ERG: variants seen among roughly 807,000 people sequenced by gnomAD.
ERG encodes the protein transcriptional regulator ERG.
In ERG, 9 loss-of-function variants were observed where a neutral mutation model predicts 55.3. That is an observed-to-expected ratio of 0.16 (90% CI 0.10 to 0.28). ERG has a LOEUF of 0.28. Ranked by LOEUF, ERG falls within the 10% of genes least tolerant of loss-of-function variation. The pLI is 1.00. For missense variants in ERG, 434 were observed against 631.6 expected (o/e 0.69, Z 3.35); for synonymous variants, 223 against 237.3 (o/e 0.94, Z 0.55).
At chr21:38,412,282 T>C (rs148055326) in intron 3 of ERG, among the ~76,000 whole-genome samples, 318 of 152,340 alleles carry the variant, frequency 2.1e-3, no homozygotes, top group Non-Finnish European at 4.0e-3. Flanking sequence ...CTAATCAGAT[T>C]GATCTACTTT....
chr21:38,485,202 C>T (rs911577960), intron 1 of ERG, among the ~76,000 whole-genome samples: 4 of 151,352 alleles, frequency 2.6e-5, no homozygotes, highest in South Asian at 2.1e-4. Context: ...TGTAGACCTA[C>T]GCTAATGTAT....
At chr21:38,563,707 T>C (rs907930026) in intron 2 of ERG, among the ~76,000 whole-genome samples, 3 of 152,262 alleles carry the variant, frequency 2.0e-5, no homozygotes, top group Non-Finnish European at 4.4e-5. Context: ...ATGTGCTACA[T>C]ACATAACGTA....
chr21:38,411,898 T>G lies in ERG; in HGVS notation c.389-8189A>C, dbSNP rs148865112. On this transcript the variant is annotated intron_variant, in intron 3 of 9. Coordinates refer to ENST00000288319, the MANE Select transcript of ERG (RefSeq NM_182918.4). ...TTATTAGGTACATGTAAGTTTATCA[T>G]TATTATATATTTGTCATGAATTTAG... Among the ~76,000 whole-genome samples, 558 of 152,350 alleles carry G rather than the reference T, an allele frequency of 3.7e-3. 2 individuals are homozygous for G. Among genetic ancestry groups the G allele is most frequent in the African/African-American group, 0.013 (520 of 41,592 alleles).
At chr21:38,610,526 C>CATGT (rs1555874157) in intron 1 of ERG, among the ~76,000 whole-genome samples, 1 of 150,384 alleles carries the variant, frequency 6.6e-6, no homozygotes, top group Admixed American at 6.6e-5. Flanking sequence ...CGCGCACGCG[C>CATGT]GTGTGTGTGT....
At chr21:38,395,504 T>G (rs1444372508) in intron 6 of ERG, 1 of 207,728 alleles carries the variant, frequency 4.8e-6, no homozygotes, top group East Asian at 7.3e-5. Flanking sequence ...GGCAATGAAC[T>G]CATATGCTTG....
intron 1 of ERG, among the ~76,000 whole-genome samples, chr21:38,599,219 A>G (rs1049594690): frequency 1.3e-5 from 2 of 152,044 alleles, no homozygotes; most frequent in African/African-American, 4.8e-5. Context: ...GCCTGGGTAT[A>G]TCCTTGTACC....
At position 38,380,835 on chromosome 21, in the gene ERG, T is replaced by C. The variant is rs543929960; in HGVS notation, c.*2568A>G. On this transcript the variant is annotated 3_prime_UTR_variant, in exon 10 of 10. Transcript: ENST00000288319. ...TCATGTCTTGTTTTTATGATCTTGC[T>C]CATGAGACAGTCTTGAAGAGAGAAC... 1 of 1,065,104 alleles carries C rather than the reference T, an allele frequency of 9.4e-7. No individual in the cohort carries two copies. Among genetic ancestry groups the C allele is most frequent in the African/African-American group, 1.6e-5 (1 of 61,184 alleles). 66.0% of individuals were successfully genotyped at this position (1,065,104 alleles called of 1,614,324 possible). A position where few individuals can be genotyped will look rare whatever the true frequency, so the allele number is the denominator to read the frequency against.
At chr21:38,513,970 A>T (rs894682915) in intron 2 of ERG, among the ~76,000 whole-genome samples, 11 of 152,098 alleles carry the variant, frequency 7.2e-5, no homozygotes, top group African/African-American at 2.7e-4. Flanking sequence ...TGCTGTAGAC[A>T]TTGGAAGGAT....
At chr21:38,434,321 T>C (rs550504224) in intron 2 of ERG, among the ~76,000 whole-genome samples, 11 of 152,206 alleles carry the variant, frequency 7.2e-5, no homozygotes, top group Admixed American at 5.9e-4. Context: ...CCTAGTCTCT[T>C]CCCTTCAGGC....
chr21:38,559,686 AT>A (rs917471882), intron 2 of ERG, among the ~76,000 whole-genome samples: 1 of 150,958 alleles, frequency 6.6e-6, no homozygotes, highest in Non-Finnish European at 1.5e-5. Flanking sequence ...TTTAATAATC[AT>A]TTTTTTTTCT....
At chr21:38,446,626 T>G (rs1406331338) in intron 1 of ERG, among the ~76,000 whole-genome samples, 1 of 152,138 alleles carries the variant, frequency 6.6e-6, no homozygotes, top group African/African-American at 2.4e-5. Context: ...TTTGGCATCC[T>G]CAGTATTGAC....
At chr21:38,495,992 T>G (rs1480234984) in intron 1 of ERG, among the ~76,000 whole-genome samples, 1 of 152,206 alleles carries the variant, frequency 6.6e-6, no homozygotes, top group Non-Finnish European at 1.5e-5. Flanking sequence ...TTACTAGAAC[T>G]CTTAAGCTGA....
upstream of ERG, among the ~76,000 whole-genome samples, chr21:38,588,317 C>CG (rs1194419719): frequency 7.0e-6 from 1 of 142,140 alleles, no homozygotes; most frequent in Admixed American, 7.1e-5. Flanking sequence ...GAGACACCCC[C>CG]CACCACCACC....
chr21:38,548,479 A>T (rs1163037117), intron 2 of ERG, among the ~76,000 whole-genome samples: 4 of 147,088 alleles, frequency 2.7e-5, no homozygotes, highest in Non-Finnish European at 6.0e-5. Flanking sequence ...ACGGAAGCTC[A>T]CTCTGTTGCC....
chr21:38,473,010 G>A (rs117087093), intron 1 of ERG, among the ~76,000 whole-genome samples: 2,574 of 152,316 alleles, frequency 0.017, 25 homozygotes, highest in Non-Finnish European at 0.024. Context: ...CATGAGGCAG[G>A]CAGCAGGCAC....
At chr21:38,546,430 T>C (rs1407967833) in intron 2 of ERG, among the ~76,000 whole-genome samples, 3 of 152,210 alleles carry the variant, frequency 2.0e-5, no homozygotes, top group Non-Finnish European at 4.4e-5. Context: ...TGTATGCTCA[T>C]GTGATACTAT....
At chr21:38,520,239 T>C (rs2059584508) in intron 2 of ERG, among the ~76,000 whole-genome samples, 1 of 152,122 alleles carries the variant, frequency 6.6e-6, no homozygotes, top group African/African-American at 2.4e-5. Flanking sequence ...ACCCTTCTTG[T>C]CCCTTGGGAA....
At chr21:38,484,974 T>G (rs77106233) in intron 1 of ERG, among the ~76,000 whole-genome samples, 3,232 of 152,240 alleles carry the variant, frequency 0.021, 61 homozygotes, top group East Asian at 0.083. Context: ...ACCATACTTT[T>G]CATCATTATT....
At chr21:38,620,691 C>T (rs1388997274) in intron 1 of ERG, among the ~76,000 whole-genome samples, 2 of 152,160 alleles carry the variant, frequency 1.3e-5, no homozygotes, top group African/African-American at 4.8e-5. Flanking sequence ...AGATGCAGGC[C>T]TAAACGTGGA....
Sources: gnomAD v4.1 joint callset for allele counts (sites outside exome capture counted in the v4.1 genomes callset) on GRCh38, gnomAD v4.1.1 for gene constraint, MANE v1.5 for transcripts, NCBI Gene and HGNC (gene_info 2026-07-23, HGNC 2026-07-21) for gene names.